ZNF324B: variants seen among roughly 807,000 people sequenced by gnomAD.
ZNF324B encodes zinc finger protein 324B.
A neutral mutation model predicts 10.6 loss-of-function variants in ZNF324B; 7 were observed. The ratio of observed to expected loss-of-function variants is 0.66; its 90% CI spans 0.38 to 1.24. ZNF324B has a LOEUF of 1.24. Ranked by LOEUF, ZNF324B falls within the 50% of genes most tolerant of loss-of-function variation. The pLI is 0.02. For synonymous variants in ZNF324B, 316 were observed against 321.0 expected (o/e 0.98, Z 0.17); for missense variants, 640 against 764.7 (o/e 0.84, Z 1.92).
At chr19:58,432,404 T>C in the ZNF324B span, 1 of 455,364 alleles carries the variant, frequency 2.2e-6, no homozygotes, top group Middle Eastern at 3.4e-4. Flanking sequence ...TGGGGAACTA[T>C]GGCTATTCCT....
chr19:58,427,279 C>T, the ZNF324B span, among the ~76,000 whole-genome samples: 2 of 146,140 alleles, frequency 1.4e-5, no homozygotes, highest in South Asian at 2.1e-4. Flanking sequence ...CATGCGCCAC[C>T]ATGCCTGGCT....
At chr19:58,448,881 G>GA (rs570347581), upstream of ZNF324B, among the ~76,000 whole-genome samples, 212 of 152,312 alleles carry the variant, frequency 1.4e-3, no homozygotes, top group African/African-American at 4.2e-3. Context: ...CCATGCAACA[G>GA]AAAAGAAAAA....
rs759015991 is a variant in ZNF324B, at chr19:58,456,338, G to A, written c.1394G>A (p.Gly465Asp). ...CVDCGKGFAKGAVLLSHRRIH... is the reference protein window; with the variant it reads ...CVDCGKGFAKDAVLLSHRRIH... Reference sequence around the variant, plus strand: ...GACTGTGGCAAGGGTTTCGCCAAGGGCGCCGTGCTGCTCAGCCACCGGCGC... The same window carrying A: ...GACTGTGGCAAGGGTTTCGCCAAGGACGCCGTGCTGCTCAGCCACCGGCGC... Residue 465 changes from glycine to aspartate, a missense_variant, in exon 4 of 4, where the codon GGC becomes GAC. By Grantham distance (94) the Gly-to-Asp change is moderately conservative. Transcript: ENST00000336614. The surrounding 1 kb of genome is among the most constrained non-coding windows in gnomAD (Gnocchi z 4.7). 2.2e-5 allele frequency: 35 copies of A among 1,612,450 alleles called. No homozygotes were observed. The highest frequency in any genetic ancestry group is 4.0e-5 in the African/African-American group (3 of 74,948).
chr19:58,431,520 C>A, the ZNF324B span, among the ~76,000 whole-genome samples: 1 of 152,130 alleles, frequency 6.6e-6, no homozygotes, highest in African/African-American at 2.4e-5. Context: ...CTCAGCCTCT[C>A]AAGCAGCTAG....
chr19:58,450,764 A>G (rs1374182294), upstream of ZNF324B, among the ~76,000 whole-genome samples: 1 of 152,196 alleles, frequency 6.6e-6, no homozygotes, highest in African/African-American at 2.4e-5. Flanking sequence ...GATCCTAAAA[A>G]CAAGACCCTC....
the ZNF324B span, chr19:58,440,324 CA>C: frequency 5.9e-6 from 1 of 169,082 alleles, no homozygotes; most frequent in Non-Finnish European, 1.3e-5. Context: ...CGTCGCTGCT[CA>C]GGCAACGCAA....
chr19:58,436,607 G>A, the ZNF324B span, among the ~76,000 whole-genome samples: 3 of 142,456 alleles, frequency 2.1e-5, no homozygotes, highest in Non-Finnish European at 3.0e-5. Flanking sequence ...GGCAGAGCTT[G>A]CAGTAAGCTG....
chr19:58,452,090 G>T (rs780415144), intron 1 of ZNF324B: 12 of 175,720 alleles, frequency 6.8e-5, no homozygotes, highest in East Asian at 1.9e-4. Flanking sequence ...CCCTGCCCTG[G>T]GGGGGTTGCG....
the ZNF324B span, chr19:58,433,915 G>A: frequency 6.2e-7 from 1 of 1,614,170 alleles, no homozygotes; most frequent in Non-Finnish European, 8.5e-7. Flanking sequence ...CCTTTGCCCA[G>A]TATGTACTTT....
chr19:58,454,958 G>T, intron 3 of ZNF324B: 1 of 692,236 alleles, frequency 1.4e-6, no homozygotes, highest in Non-Finnish European at 2.6e-6. Flanking sequence ...GGGTGTCTGG[G>T]GGCTGCCGCC....
upstream of ZNF324B, among the ~76,000 whole-genome samples, chr19:58,450,990 A>C (rs1474975154): frequency 6.6e-6 from 1 of 152,240 alleles, no homozygotes; most frequent in East Asian, 1.9e-4. Flanking sequence ...CTGCTCGTCC[A>C]AGTTACAAGG....
Position 58,454,913 on chromosome 19 carries a change from C to G in ZNF324B, c.239-270C>G, listed in dbSNP as rs114530228. ...AGCCAGTGTGGAGACGTGGGTGGCA[C>G]GCAGCAGCTGCTGTTTTCCTCAGCT... On this transcript the variant is annotated intron_variant, in intron 3 of 3. Coordinates refer to ENST00000336614, the MANE Select transcript of ZNF324B (RefSeq NM_207395.3). The G allele has an allele frequency of 1.8e-3, 1,071 of 606,892 alleles. 9 individuals carry two copies. Among genetic ancestry groups the G allele is most frequent in the African/African-American group, 0.018 (958 of 54,694 alleles). The allele number at this position is 606,892 out of a possible 1,614,324, so 37.6% of individuals were successfully genotyped here.
chr19:58,454,261 A>T lies in ZNF324B; in HGVS notation c.155A>T (p.Gln52Leu). The stretch of plus-strand genomic sequence containing the variant: ...ACCTCCCGACCTCGTGTGGTCATTC[A>T]ACTTGAGCGTGGCGAGGAGCCCTGG... ...LSTSRPRVVI[Q>L]LERGEEPWVP... is the part of the protein sequence containing the mutation. The change falls in exon 3 of 4, where the codon CAA (glutamine) becomes CTA (leucine). Residue 52 changes from glutamine (Q) to leucine (L), a missense_variant. Around this residue, in one of 3 missense-constraint regions of ZNF324B, gnomAD observed 345 missense variants for 387.9 expected, o/e 0.89. Transcript: ENST00000336614. 3.7e-6 allele frequency: 6 copies of T among 1,613,988 alleles called. No individual in the cohort carries two copies. The highest frequency in any genetic ancestry group is 5.1e-6 in the Non-Finnish European group (6 of 1,179,960).
At chr19:58,419,468 A>G in the ZNF324B span, among the ~76,000 whole-genome samples, 8 of 152,230 alleles carry the variant, frequency 5.3e-5, no homozygotes, top group Admixed American at 3.3e-4. Flanking sequence ...CCAGTTCTAA[A>G]GAGGCATCCA....
chr19:58,454,414 A>C lies in ZNF324B; in HGVS notation c.238+70A>C, dbSNP rs1273374093. On this transcript the variant is annotated intron_variant, in intron 3 of 3. Transcript: ENST00000336614. ...CCAAGCCCATGTCCCTGCTTTTCTG[A>C]CTCTGGAAACACATCCTCCTCTCCT... 4.1e-6 allele frequency: 4 copies of C among 976,286 alleles called. No individual in the cohort carries two copies. In the African/African-American group the frequency reaches 6.4e-5, roughly 16 times the overall value. The allele number at this position is 976,286 out of a possible 1,614,324, so 60.5% of individuals were successfully genotyped here.
the ZNF324B span, chr19:58,434,153 A>T: frequency 6.2e-7 from 1 of 1,614,098 alleles, no homozygotes; most frequent in South Asian, 1.1e-5. Flanking sequence ...CTGCATTCAT[A>T]CGGTCTTTCT....
chr19:58,455,716 G>T lies in ZNF324B; in HGVS notation c.772G>T (p.Glu258Ter), dbSNP rs748944745. ...EALHAGEKSF[E>*]CRACSKVFVK... ...TCTTCACGCTGGGGAGAAGTCCTTC[G>T]AATGCAGGGCGTGCAGCAAAGTGTT... The change falls in exon 4 of 4, where the codon GAA becomes TAA. Residue 258 changes from glutamate to a stop codon, truncating the protein, a stop_gained. Coordinates refer to ENST00000336614, the MANE Select transcript of ZNF324B (RefSeq NM_207395.3). LOFTEE classifies it low-confidence loss of function (END_TRUNC). The surrounding 1 kb of genome is among the most constrained non-coding windows in gnomAD (Gnocchi z 7.0). 1.2e-6 allele frequency: 2 copies of T among 1,613,678 alleles called. No homozygotes were observed. The highest frequency in any genetic ancestry group is 2.2e-5 in the South Asian group (2 of 91,062).
chr19:58,422,972 CCAT>C, the ZNF324B span, among the ~76,000 whole-genome samples: 26 of 150,642 alleles, frequency 1.7e-4, no homozygotes, highest in Non-Finnish European at 1.5e-5. Context: ...CGGGTTCACA[CCAT>C]TCTTCTGCCT....
chr19:58,421,715 A>G, the ZNF324B span, among the ~76,000 whole-genome samples: 1 of 152,198 alleles, frequency 6.6e-6, no homozygotes, highest in African/African-American at 2.4e-5. Flanking sequence ...AGAGCATAAA[A>G]TTATGAAATA....
Sources: gnomAD v4.1 joint callset for allele counts (sites outside exome capture counted in the v4.1 genomes callset) on GRCh38, gnomAD v4.1.1 for gene constraint, gnomAD v4.1.1 regional missense constraint, Gnocchi (gnomAD v3.1) non-coding constraint, MANE v1.5 for transcripts, NCBI Gene and HGNC (gene_info 2026-07-23, HGNC 2026-07-21) for gene names.